DGKD: variants seen among roughly 807,000 people sequenced by gnomAD.
The protein encoded by DGKD is DAG kinase delta.
In DGKD, 68 loss-of-function variants were observed where a neutral mutation model predicts 154.4. The observed-to-expected ratio is 0.44, with a 90% CI of 0.36 to 0.54. The LOEUF (loss-of-function observed/expected upper bound fraction) is 0.54. Ranked by LOEUF, DGKD falls within the 20% of genes least tolerant of loss-of-function variation. The pLI, the probability that DGKD is intolerant of heterozygous loss-of-function variation, is 0.00. For synonymous variants in DGKD, 693 were observed against 638.0 expected (o/e 1.09, Z -1.30); for missense variants, 1,343 against 1,593.6 (o/e 0.84, Z 2.68).
chr2:233,379,063 G>A (rs538700917), intron 1 of DGKD, among the ~76,000 whole-genome samples: 11 of 152,184 alleles, frequency 7.2e-5, no homozygotes, highest in South Asian at 2.1e-4. Flanking sequence ...AGGCACTGGC[G>A]TGATTAAGAT....
intron 10 of DGKD, among the ~76,000 whole-genome samples, chr2:233,443,894 G>A (rs1004478500): frequency 1.3e-5 from 2 of 152,210 alleles, no homozygotes; most frequent in African/African-American, 4.8e-5. Context: ...ACCTGATGTG[G>A]TGGCCATGCC....
At chr2:233,425,097 T>G (rs1044600100) in intron 3 of DGKD, among the ~76,000 whole-genome samples, 1 of 152,192 alleles carries the variant, frequency 6.6e-6, no homozygotes, top group African/African-American at 2.4e-5. Flanking sequence ...TGTACTTGAA[T>G]CAAGAATAGA....
intron 3 of DGKD, chr2:233,408,999 C>T (rs557521988): frequency 6.6e-6 from 1 of 152,318 alleles, no homozygotes; most frequent in African/African-American, 2.4e-5. Flanking sequence ...TTTTAACAGT[C>T]ACTCCAAGCA....
At position 233,460,270 on chromosome 2, in the gene DGKD, A is replaced by T. The variant is rs2124929850; in HGVS notation, c.2906A>T (p.His969Leu). ...ELPRPPSCSLHPEMLSEEEAT... is the reference protein window; with the variant it reads ...ELPRPPSCSLLPEMLSEEEAT... ...CCCCGCCCTCCATCCTGTTCCCTGC[A>T]CCCGGAGATGCTGTCCGAGGAGGAG... Residue 969 changes from histidine (H) to leucine (L), a missense_variant, in exon 24 of 30, where the codon CAC becomes CTC. Physicochemically the swap from His to Leu is moderately conservative, Grantham distance 99 (BLOSUM62 -3). Transcript: ENST00000264057. The T allele has an allele frequency of 1.2e-6, 2 of 1,613,952 alleles. No individual in the cohort carries two copies. Among genetic ancestry groups the T allele is most frequent in the Non-Finnish European group, 1.7e-6 (2 of 1,179,982 alleles).
chr2:233,448,574 C>A (rs552534936), intron 14 of DGKD, among the ~76,000 whole-genome samples, 199 bp downstream of exon 14: 18 of 152,348 alleles, frequency 1.2e-4, no homozygotes, highest in Admixed American at 9.1e-4. Flanking sequence ...AAAGTACACT[C>A]CACACTGTGG....
chr2:233,370,567 C>CT (rs201017453), intron 1 of DGKD, among the ~76,000 whole-genome samples: 8,054 of 113,690 alleles, frequency 0.071, 284 homozygotes, highest in African/African-American at 0.14. Flanking sequence ...TTCAGAACTT[C>CT]TTCTTTTTTT....
Position 233,469,711 on chromosome 2 carries a change from C to G in DGKD, c.*251C>G. The G allele has an allele frequency of 2.0e-6, 1 of 505,552 alleles. No individual in the cohort carries two copies. Among genetic ancestry groups the G allele is most frequent in the East Asian group, 3.4e-5 (1 of 29,598 alleles). The allele number at this position is 505,552 out of a possible 1,614,324, so 31.3% of individuals were successfully genotyped here. On this transcript the variant is annotated 3_prime_UTR_variant, in exon 30 of 30. Coordinates refer to ENST00000264057, the MANE Select transcript of DGKD (RefSeq NM_152879.3). ...CAACACTTTCTCCAGCTCAGAGTCA[C>G]CTGGGGCACATGTGTCACGGCCACT...
intron 18 of DGKD, among the ~76,000 whole-genome samples, chr2:233,453,424 C>T (rs2063349950): frequency 1.3e-5 from 2 of 152,198 alleles, no homozygotes; most frequent in South Asian, 4.1e-4. Context: ...TACATGCTGG[C>T]CAGGCACTTG....
rs1559543468 is a variant in DGKD at position 233,434,910 on chromosome 2, G to A, written c.586+9G>A. Reference sequence around the variant, plus strand: ...CGGGCTGTCCTGCGAGGGTACGGATGTGCGTTTGTTATTCTGTCAGGAAAG... The same window carrying A: ...CGGGCTGTCCTGCGAGGGTACGGATATGCGTTTGTTATTCTGTCAGGAAAG... On this transcript the variant is annotated intron_variant, in intron 5 of 29. Coordinates refer to ENST00000264057, the MANE Select transcript of DGKD (RefSeq NM_152879.3). The A allele has an allele frequency of 1.2e-6, 2 of 1,604,180 alleles. No homozygotes were observed. Among genetic ancestry groups the A allele is most frequent in the Non-Finnish European group, 1.7e-6 (2 of 1,175,220 alleles).
chr2:233,377,343 C>A (rs1367664446), intron 1 of DGKD, among the ~76,000 whole-genome samples: 2 of 152,218 alleles, frequency 1.3e-5, no homozygotes, highest in Non-Finnish European at 2.9e-5. Flanking sequence ...TTCGGCCTCC[C>A]AAAGTGCTGG....
Position 233,469,435 on chromosome 2 carries a change from G to C in DGKD, c.3620G>C (p.Arg1207Pro). The change falls in exon 30 of 30, where the codon CGC becomes CCC. Residue 1207 changes from arginine (R) to proline (P), a missense_variant. Coordinates refer to ENST00000264057, the MANE Select transcript of DGKD (RefSeq NM_152879.3). ...CTGTGTGGCATCAAGGAGCTGAGCC[G>C]CAGCGCCCCCGCCGTCGAGGCCTAG... is the stretch of plus-strand genomic sequence containing the variant. ...RILCGIKELS[R>P]SAPAVEA The C allele has an allele frequency of 6.2e-7, 1 of 1,602,842 alleles. No individual in the cohort carries two copies. The highest frequency in any genetic ancestry group is 8.5e-7 in the Non-Finnish European group (1 of 1,175,624).
chr2:233,426,123 A>T (rs540481839), intron 3 of DGKD, among the ~76,000 whole-genome samples: 3 of 152,352 alleles, frequency 2.0e-5, no homozygotes, highest in African/African-American at 7.2e-5. Context: ...GCGTTTTTTC[A>T]TAAACGTTGA....
chr2:233,376,347 C>A (rs73106659), intron 1 of DGKD, among the ~76,000 whole-genome samples: 2,253 of 152,320 alleles, frequency 0.015, 52 homozygotes, highest in African/African-American at 0.051. Context: ...AGATCTGGGT[C>A]TGAAGTCCAC....
intron 3 of DGKD, among the ~76,000 whole-genome samples, chr2:233,410,689 A>C (rs2061805412): frequency 6.6e-6 from 1 of 152,212 alleles, no homozygotes; most frequent in South Asian, 2.1e-4. Context: ...ATTCTAATAC[A>C]TGAAAACCAT....
intron 27 of DGKD, among the ~76,000 whole-genome samples, chr2:233,464,745 G>A (rs2063775337): frequency 6.6e-6 from 1 of 152,224 alleles, no homozygotes; most frequent in Non-Finnish European, 1.5e-5. Context: ...GGAGGGACCC[G>A]AGGACGCAGG....
At chr2:233,380,973 G>A (rs979992338) in intron 1 of DGKD, among the ~76,000 whole-genome samples, 2 of 152,186 alleles carry the variant, frequency 1.3e-5, no homozygotes, top group African/African-American at 4.8e-5. Context: ...CAGGGTAGTG[G>A]CAATGGGGAA....
chr2:233,424,030 C>A (rs1375467245), intron 3 of DGKD, among the ~76,000 whole-genome samples: 2 of 152,044 alleles, frequency 1.3e-5, no homozygotes, highest in Non-Finnish European at 2.9e-5. Flanking sequence ...GGGAAAAGTA[C>A]CTCCCTGTCA....
rs1292167511 is a variant in DGKD, at chr2:233,471,851, G to A, written c.*2391G>A. 2 of 152,420 alleles carry A rather than the reference G, an allele frequency of 1.3e-5. No homozygotes were observed. The highest frequency in any genetic ancestry group is 2.9e-5 in the Non-Finnish European group (2 of 68,082). 9.4% of individuals were successfully genotyped at this position (152,420 alleles called of 1,614,324 possible). A position where few individuals can be genotyped will look rare whatever the true frequency, so the allele number is the denominator to read the frequency against. Reference sequence around the variant, plus strand: ...CTGCTGCCCCGGCCCAGGTCCCCTTGTGGTGTTGCCAGACGGGCCTCATGG... The same window carrying A: ...CTGCTGCCCCGGCCCAGGTCCCCTTATGGTGTTGCCAGACGGGCCTCATGG... On this transcript the variant is annotated 3_prime_UTR_variant, in exon 30 of 30. Coordinates refer to ENST00000264057, the MANE Select transcript of DGKD (RefSeq NM_152879.3).
In DGKD at chr2:233,388,507, C is replaced by T; in HGVS notation, c.267+140C>T. Reference sequence around the variant, plus strand: ...TGCCAGTGAGTTTTGTAACACTCCACGCTGTCAGGTTTTACTTGTCTCAAG... The same window carrying T: ...TGCCAGTGAGTTTTGTAACACTCCATGCTGTCAGGTTTTACTTGTCTCAAG... On this transcript the variant is annotated intron_variant, in intron 2 of 29. Transcript: ENST00000264057. 4 of 718,756 alleles carry T rather than the reference C, an allele frequency of 5.6e-6. 1 individual carries two copies. The highest frequency in any genetic ancestry group is 4.7e-5 in the South Asian group (2 of 42,270). 44.5% of individuals were successfully genotyped at this position (718,756 alleles called of 1,614,324 possible).
Sources: allele counts gnomAD v4.1 joint callset (sites outside exome capture counted in the v4.1 genomes callset), GRCh38; gene constraint gnomAD v4.1.1; transcripts MANE v1.5; gene names NCBI Gene and HGNC (gene_info 2026-07-23, HGNC 2026-07-21).